Variants in SLC22A3 observed in about 807,000 individuals in gnomAD.
SLC22A3 encodes solute carrier family 22 member 3, also known as EMT organic cation transporter 3.
A neutral mutation model predicts 59.1 loss-of-function variants in SLC22A3; 51 were observed. The observed-to-expected ratio is 0.86, with a 90% CI of 0.69 to 1.09. The LOEUF is 1.09. Among genes scored for constraint, SLC22A3 ranks in the 50% least tolerant of loss-of-function variants. The pLI is 0.00. For synonymous variants in SLC22A3, 325 were observed against 292.0 expected, an observed-to-expected ratio of 1.11 and a Z score of -1.15; for missense variants, 711 against 726.3, an observed-to-expected ratio of 0.98 and a Z score of 0.24.
chr6:160,364,266 G>A (rs1202055127), intron 1 of SLC22A3, among the ~76,000 whole-genome samples: 1 of 152,174 alleles, frequency 6.6e-6, no homozygotes, highest in African/African-American at 2.4e-5. Context: ...ATGGGTTGTT[G>A]GAAGGTAAAG....
At chr6:160,381,191 A>G (rs1785782359) in intron 1 of SLC22A3, among the ~76,000 whole-genome samples, 1 of 152,196 alleles carries the variant, frequency 6.6e-6, no homozygotes. Context: ...TCCTAATACC[A>G]CATGTAGGAG....
At chr6:160,435,298 A>G (rs566834919) in intron 5 of SLC22A3, among the ~76,000 whole-genome samples, 1 of 152,192 alleles carries the variant, frequency 6.6e-6, no homozygotes, top group South Asian at 2.1e-4. Context: ...TTTAAGACAC[A>G]TAGTCATTTT....
intron 4 of SLC22A3, among the ~76,000 whole-genome samples, chr6:160,410,455 G>A (rs1394251333): frequency 6.6e-6 from 1 of 152,108 alleles, no homozygotes; most frequent in East Asian, 1.9e-4. Context: ...TTTCATATAT[G>A]GAATCAATAT....
intron 1 of SLC22A3, among the ~76,000 whole-genome samples, chr6:160,357,257 C>G (rs1784873308): frequency 6.6e-6 from 1 of 152,184 alleles, no homozygotes; most frequent in Non-Finnish European, 1.5e-5. Context: ...TGGAGATAAC[C>G]AAGTGATAAG....
chr6:160,399,486 T>C (rs1227798518), intron 2 of SLC22A3, among the ~76,000 whole-genome samples: 1 of 152,214 alleles, frequency 6.6e-6, no homozygotes, highest in Admixed American at 6.5e-5. Context: ...GAATTTCCCC[T>C]TCCTATATTC....
In SLC22A3 at chr6:160,420,897, T is replaced by C. The variant is rs141361775; in HGVS notation, c.975+10051T>C. Among the ~76,000 whole-genome samples, 1,083 of 152,312 alleles carry C rather than the reference T, an allele frequency of 7.1e-3. 19 individuals are homozygous for C. Among genetic ancestry groups the C allele is most frequent in the African/African-American group, 0.025 (1,043 of 41,558 alleles). The stretch of plus-strand genomic sequence containing the variant: ...ATCTGCTTGCCAGCCGTTCCCGGGA[T>C]TGGGGGCAGGTTGCTGAGCCTGTCT... On this transcript the variant is annotated intron_variant, in intron 5 of 10. Coordinates refer to ENST00000275300, the MANE Select transcript of SLC22A3 (RefSeq NM_021977.4).
chr6:160,349,328 A>G (rs539298), intron 1 of SLC22A3, among the ~76,000 whole-genome samples: 76,291 of 152,080 alleles, frequency 0.5, 19,476 homozygotes, highest in African/African-American at 0.59. Context: ...TGAAGGCAGC[A>G]GCAGCTTTTT....
At chr6:160,400,997 A>C (rs1004646487) in intron 2 of SLC22A3, among the ~76,000 whole-genome samples, 3 of 150,968 alleles carry the variant, frequency 2.0e-5, no homozygotes, top group South Asian at 2.1e-4. Flanking sequence ...AAAAAAAAAA[A>C]AAAAAAAAAC....
At chr6:160,363,936 A>T (rs1469901414) in intron 1 of SLC22A3, among the ~76,000 whole-genome samples, 1 of 151,880 alleles carries the variant, frequency 6.6e-6, no homozygotes, top group East Asian at 1.9e-4. Flanking sequence ...GTTTCCTGGG[A>T]TACGAACTTT....
At chr6:160,427,322 G>T (rs1201416495) in intron 5 of SLC22A3, among the ~76,000 whole-genome samples, 1 of 152,224 alleles carries the variant, frequency 6.6e-6, no homozygotes, top group Non-Finnish European at 1.5e-5. Context: ...ATGTAGTCGG[G>T]ACTTGCCCCA....
chr6:160,357,188 A>G (rs1219351659), intron 1 of SLC22A3, among the ~76,000 whole-genome samples: 1 of 152,196 alleles, frequency 6.6e-6, no homozygotes, highest in East Asian at 1.9e-4. Context: ...TCTGCTTTCA[A>G]ATTCAGTCCT....
intron 1 of SLC22A3, among the ~76,000 whole-genome samples, chr6:160,356,329 G>A (rs1583439824): frequency 6.6e-6 from 1 of 152,342 alleles, no homozygotes; most frequent in South Asian, 2.1e-4. Context: ...ACTCCTATCT[G>A]CTCATGGGGT....
At chr6:160,442,392 G>A (rs1788579884) in intron 7 of SLC22A3, among the ~76,000 whole-genome samples, 3 of 152,202 alleles carry the variant, frequency 2.0e-5, no homozygotes, top group Admixed American at 2.0e-4. Flanking sequence ...TGGGAACGTG[G>A]TGGCTCAAAG....
rs181804824 is a variant in SLC22A3, at chr6:160,418,727, C to G, written c.975+7881C>G. ...ATCCTAAAGATCCCTCTCCTCTGCC[C>G]CCAACTGCCCATTCCTCCCGTTTTT... On this transcript the variant is annotated intron_variant, in intron 5 of 10. Coordinates refer to ENST00000275300, the MANE Select transcript of SLC22A3 (RefSeq NM_021977.4). Among the ~76,000 whole-genome samples the G allele has an allele frequency of 2.6e-5, 4 of 152,244 alleles. No homozygotes were observed. The East Asian group carries it at 7.7e-4, about 29-fold the overall frequency.
chr6:160,397,709 G>C (rs1333739169), intron 1 of SLC22A3, among the ~76,000 whole-genome samples: 1 of 147,894 alleles, frequency 6.8e-6, no homozygotes, highest in Non-Finnish European at 1.5e-5. Flanking sequence ...ACTTCAGTCT[G>C]GTGACAGAGC....
rs796103417 is a variant in SLC22A3 at position 160,425,944 on chromosome 6, A to C, written c.976-10836A>C. 2.1e-5 allele frequency: 21 copies of C among 985,462 alleles called. No individual in the cohort carries two copies. The African/African-American group carries it at 3.5e-4, about 16-fold the overall frequency. The allele number at this position is 985,462 out of a possible 1,614,324, so 61.0% of individuals were successfully genotyped here. A position where few individuals can be genotyped will look rare whatever the true frequency, so the allele number is the denominator to read the frequency against. On this transcript the variant is annotated intron_variant, in intron 5 of 10. Coordinates refer to ENST00000275300, the MANE Select transcript of SLC22A3 (RefSeq NM_021977.4). ...TGGAATTCCAGAGATGGCGTGTGCTACTGGCTTATGGCTGATACGTAAGAG... is the reference window on the plus strand; with the variant it reads ...TGGAATTCCAGAGATGGCGTGTGCTCCTGGCTTATGGCTGATACGTAAGAG...
intron 1 of SLC22A3, among the ~76,000 whole-genome samples, chr6:160,389,807 C>G (rs1234510801): frequency 6.6e-6 from 1 of 152,180 alleles, no homozygotes; most frequent in Non-Finnish European, 1.5e-5. Context: ...CAAAACCCAT[C>G]CAGGCAGCAG....
chr6:160,375,552 T>A (rs1046976482), intron 1 of SLC22A3, among the ~76,000 whole-genome samples: 1 of 152,200 alleles, frequency 6.6e-6, no homozygotes, highest in African/African-American at 2.4e-5. Flanking sequence ...CCAACTTTTT[T>A]ATACCAGTTT....
chr6:160,424,675 C>T (rs1051589578), intron 5 of SLC22A3, among the ~76,000 whole-genome samples: 2 of 152,186 alleles, frequency 1.3e-5, no homozygotes, highest in Admixed American at 6.5e-5. Context: ...CTCCCAACTG[C>T]CTACTGTCTC....
Sources: allele counts gnomAD v4.1 joint callset (sites outside exome capture counted in the v4.1 genomes callset), GRCh38; gene constraint gnomAD v4.1.1; transcripts MANE v1.5; gene names NCBI Gene and HGNC (gene_info 2026-07-23, HGNC 2026-07-21).